ARSB: variants seen among roughly 807,000 people sequenced by gnomAD.
ARSB encodes N-acetylgalactosamine-4-sulfatase.
ARSB carries 41 observed loss-of-function variants against 50.9 expected under a neutral mutation model. That is an observed-to-expected ratio of 0.81 (90% confidence interval 0.63 to 1.04). The LOEUF is 1.04. Ranked by LOEUF, ARSB falls within the 50% of genes least tolerant of loss-of-function variation. The probability of loss-of-function intolerance (pLI) is 0.00; values close to 1 mark genes in which losing one functional copy is unlikely to be tolerated. For synonymous variants in ARSB, 269 were observed against 284.8 expected, an observed-to-expected ratio of 0.94 and a Z score of 0.56; for missense variants, 672 against 693.3, an observed-to-expected ratio of 0.97 and a Z score of 0.35.
intron 6 of ARSB, among the ~76,000 whole-genome samples, chr5:78,800,647 T>A (rs964872589): frequency 1.3e-5 from 2 of 152,206 alleles, no homozygotes; most frequent in African/African-American, 2.4e-5. Context: ...AAGGTACTGT[T>A]TTAGATACCA....
At chr5:78,981,642 T>C (rs1752909647) in intron 1 of ARSB, among the ~76,000 whole-genome samples, 1 of 152,244 alleles carries the variant, frequency 6.6e-6, no homozygotes, top group African/African-American at 2.4e-5. Context: ...AACTCCTCTG[T>C]TTCACAGATG....
At chr5:78,896,255 G>A (rs1748553547) in intron 4 of ARSB, among the ~76,000 whole-genome samples, 1 of 152,154 alleles carries the variant, frequency 6.6e-6, no homozygotes, top group Non-Finnish European at 1.5e-5. Context: ...GATCTAGATG[G>A]ATGATATAAA....
intron 4 of ARSB, among the ~76,000 whole-genome samples, chr5:78,944,192 A>T (rs145803798): frequency 0.026 from 3,954 of 152,028 alleles, 203 homozygotes; most frequent in Admixed American, 0.14. Context: ...ATCTTTTTTC[A>T]AGGTTTTTAA....
intron 4 of ARSB, among the ~76,000 whole-genome samples, chr5:78,904,123 G>A (rs954788961): frequency 5.3e-5 from 8 of 152,146 alleles, no homozygotes; most frequent in African/African-American, 1.9e-4. Flanking sequence ...CTGGCTTCCT[G>A]CATTCAGCAT....
chr5:78,789,032 G>C (rs938804685), intron 6 of ARSB, among the ~76,000 whole-genome samples: 2 of 152,184 alleles, frequency 1.3e-5, no homozygotes, highest in African/African-American at 4.8e-5. Context: ...AGGGACTGAG[G>C]GGAGGGCTGG....
At chr5:78,798,409 A>G (rs1450759122) in intron 6 of ARSB, among the ~76,000 whole-genome samples, 1 of 151,594 alleles carries the variant, frequency 6.6e-6, no homozygotes, top group East Asian at 1.9e-4. Flanking sequence ...AAAAAGGGAA[A>G]CTAAACCCAA....
intron 5 of ARSB, among the ~76,000 whole-genome samples, chr5:78,870,928 C>A (rs1252516528): frequency 3.3e-5 from 5 of 152,144 alleles, no homozygotes; most frequent in African/African-American, 1.2e-4. Flanking sequence ...ATTGTCTCAG[C>A]CCCAAATCTC....
intron 6 of ARSB, among the ~76,000 whole-genome samples, chr5:78,809,000 C>T (rs1348349251): frequency 6.6e-6 from 1 of 152,210 alleles, no homozygotes; most frequent in African/African-American, 2.4e-5. Context: ...GCTTTCATCT[C>T]AGATAACGGA....
chr5:78,963,175 C>T (rs532351756), intron 3 of ARSB, among the ~76,000 whole-genome samples: 6 of 152,098 alleles, frequency 3.9e-5, no homozygotes, highest in Non-Finnish European at 8.8e-5. Flanking sequence ...CCTGGCATCT[C>T]TCTCTCTCTC....
chr5:78,969,807 C>T (rs948920663), intron 1 of ARSB, among the ~76,000 whole-genome samples: 3 of 152,108 alleles, frequency 2.0e-5, no homozygotes, highest in Non-Finnish European at 4.4e-5. Flanking sequence ...TTAGTAGAGA[C>T]GGGGTTTCAC....
chr5:78,785,972 T>C (rs1266581445), intron 6 of ARSB, among the ~76,000 whole-genome samples: 1 of 152,246 alleles, frequency 6.6e-6, no homozygotes, highest in Non-Finnish European at 1.5e-5. Context: ...AATTTAAATA[T>C]ATTTTTTAAA....
chr5:78,981,784 G>C (rs1313199520), intron 1 of ARSB, among the ~76,000 whole-genome samples: 13 of 152,214 alleles, frequency 8.5e-5, no homozygotes, highest in Admixed American at 8.5e-4. Context: ...GATTTCATGA[G>C]AGTATAAAGT....
chr5:78,974,012 G>A (rs945512533), intron 1 of ARSB, among the ~76,000 whole-genome samples: 22 of 152,200 alleles, frequency 1.4e-4, no homozygotes, highest in African/African-American at 4.8e-4. Flanking sequence ...AGAACATGCT[G>A]GTGGCAAAGC....
At chr5:78,808,858 T>G (rs1316201180) in intron 6 of ARSB, among the ~76,000 whole-genome samples, 2 of 152,202 alleles carry the variant, frequency 1.3e-5, no homozygotes, top group African/African-American at 2.4e-5. Flanking sequence ...GGGTCAACGA[T>G]GTGTGACTTT....
intron 6 of ARSB, among the ~76,000 whole-genome samples, chr5:78,787,091 C>CATCTATCTATCTATCT (rs143701672): frequency 0.016 from 2,067 of 128,044 alleles, 32 homozygotes; most frequent in South Asian, 0.054. Context: ...AATCGATAAC[C>CATCTATCTATCTATCT]ATCTATCTAT....
intron 5 of ARSB, among the ~76,000 whole-genome samples, chr5:78,877,476 C>T (rs1311641451): frequency 6.6e-6 from 1 of 152,074 alleles, no homozygotes; most frequent in Non-Finnish European, 1.5e-5. Flanking sequence ...GCAACCTCTG[C>T]CTCCCGGGTT....
At position 78,964,985 on chromosome 5, in the gene ARSB, T is replaced by A. The variant is rs1350500763; in HGVS notation, c.500-379A>T. On this transcript the variant is annotated intron_variant, in intron 2 of 7. Coordinates refer to ENST00000264914, the MANE Select transcript of ARSB (RefSeq NM_000046.5). ...AGGTTTTTACTCTAAGGTGATCACA[T>A]AAATGAGTGCAGGATTCAAACAATG... 8.5e-5 allele frequency among the ~76,000 whole-genome samples: 13 copies of A among 152,286 alleles called. No homozygotes were observed. In the South Asian group the frequency reaches 2.1e-3, roughly 24 times the overall value.
chr5:78,905,817 C>G (rs1214148064), intron 4 of ARSB, among the ~76,000 whole-genome samples: 2 of 147,014 alleles, frequency 1.4e-5, no homozygotes. Context: ...TATGTGGTTT[C>G]TCTGATCAGA....
intron 5 of ARSB, among the ~76,000 whole-genome samples, chr5:78,869,041 C>A (rs899950073): frequency 6.7e-6 from 1 of 149,986 alleles, no homozygotes; most frequent in African/African-American, 2.5e-5. Context: ...GACTTTAAAC[C>A]AACAAAGATC....
Sources: gnomAD v4.1 joint callset for allele counts (sites outside exome capture counted in the v4.1 genomes callset) on GRCh38, gnomAD v4.1.1 for gene constraint, MANE v1.5 for transcripts, NCBI Gene and HGNC (gene_info 2026-07-23, HGNC 2026-07-21) for gene names.